CAST: variants seen among roughly 807,000 people sequenced by gnomAD.
The protein encoded by CAST is calpastatin, also known as MIR583 host.
A neutral mutation model predicts 119.6 loss-of-function variants in CAST; 76 were observed. The observed-to-expected ratio is 0.64, with a 90% CI of 0.53 to 0.77. The LOEUF is 0.77. CAST is among the 30% of genes least tolerant of loss of function. CAST has a pLI of 0.00. For synonymous variants in CAST, 319 were observed against 331.6 expected, an observed-to-expected ratio of 0.96 and a Z score of 0.41; for missense variants, 953 against 946.5, an observed-to-expected ratio of 1.01 and a Z score of -0.09.
chr5:96,717,038 A>C (rs1757315119), intron 3 of CAST, among the ~76,000 whole-genome samples: 1 of 152,208 alleles, frequency 6.6e-6, no homozygotes, highest in Non-Finnish European at 1.5e-5. Context: ...ACTGTATCTT[A>C]TTCTGTGTTT....
chr5:96,648,857 G>C (rs1481341984), intron 1 of CAST, among the ~76,000 whole-genome samples: 1 of 152,042 alleles, frequency 6.6e-6, no homozygotes, highest in Non-Finnish European at 1.5e-5. Context: ...ACTCAGTAAA[G>C]ATGGTCCATT....
At chr5:96,481,550 T>C in the CAST span, among the ~76,000 whole-genome samples, 1 of 152,190 alleles carries the variant, frequency 6.6e-6, no homozygotes, top group Non-Finnish European at 1.5e-5. Flanking sequence ...AAGCAAGCCA[T>C]GTTTCAGTCT....
At chr5:95,963,444 C>T in the CAST span, among the ~76,000 whole-genome samples, 1 of 152,198 alleles carries the variant, frequency 6.6e-6, no homozygotes, top group Non-Finnish European at 1.5e-5. Flanking sequence ...TGTAAATTGA[C>T]TTAATTTCAA....
chr5:96,547,253 A>G (rs1746036188), intron 1 of CAST, among the ~76,000 whole-genome samples: 1 of 152,202 alleles, frequency 6.6e-6, no homozygotes, highest in Admixed American at 6.5e-5. Context: ...CGCAAGCTGA[A>G]GAACCAGGAA....
chr5:95,998,816 G>T, the CAST span, among the ~76,000 whole-genome samples: 1 of 152,088 alleles, frequency 6.6e-6, no homozygotes, highest in Non-Finnish European at 1.5e-5. Context: ...AGTTCTTTGA[G>T]AACTCTCCAT....
At chr5:96,167,844 G>C in the CAST span, among the ~76,000 whole-genome samples, 5 of 152,208 alleles carry the variant, frequency 3.3e-5, no homozygotes, top group African/African-American at 1.2e-4. Flanking sequence ...TCAATTTGCC[G>C]GTCCTGGGCG....
chr5:96,602,543 G>C (rs1178349004), intron 1 of CAST, among the ~76,000 whole-genome samples: 1 of 152,220 alleles, frequency 6.6e-6, no homozygotes, highest in African/African-American at 2.4e-5. Flanking sequence ...CCTGAGGTCA[G>C]AAGTCCGAGA....
the CAST span, among the ~76,000 whole-genome samples, chr5:96,033,243 C>T: frequency 6.6e-6 from 1 of 152,020 alleles, no homozygotes; most frequent in Non-Finnish European, 1.5e-5. Context: ...AATGTCCATA[C>T]TACCCAAAGA....
At chr5:96,662,649 G>A in intron 1 of CAST, 152 bp downstream of exon 1, 1 of 519,626 alleles carries the variant, frequency 1.9e-6, no homozygotes, top group Non-Finnish European at 2.4e-6. Flanking sequence ...CTTGGCCGCT[G>A]CCAGGCAGGT....
chr5:96,321,380 C>A, the CAST span, among the ~76,000 whole-genome samples: 1 of 152,164 alleles, frequency 6.6e-6, no homozygotes, highest in South Asian at 2.1e-4. Flanking sequence ...GGTTGATAAC[C>A]ACTTTGTTAG....
At chr5:95,973,534 T>C in the CAST span, 1 of 152,180 alleles carries the variant, frequency 6.6e-6, no homozygotes, top group South Asian at 2.1e-4. Flanking sequence ...GAGATACGTG[T>C]CTGGGGTGAT....
the CAST span, among the ~76,000 whole-genome samples, chr5:96,379,829 GTA>G: frequency 6.6e-6 from 1 of 152,288 alleles, no homozygotes; most frequent in Non-Finnish European, 1.5e-5. Context: ...GATCAGAGGT[GTA>G]GCCACATTAA....
At chr5:95,996,104 A>G in the CAST span, among the ~76,000 whole-genome samples, 1 of 152,174 alleles carries the variant, frequency 6.6e-6, no homozygotes, top group Non-Finnish European at 1.5e-5. Flanking sequence ...CCCCAAAACT[A>G]GTGGCCAGTT....
At chr5:96,746,504 G>T in intron 17 of CAST, 79 bp downstream of exon 17, 1 of 858,770 alleles carries the variant, frequency 1.2e-6, no homozygotes, top group Non-Finnish European at 2.0e-6. Context: ...CCTTGACATT[G>T]TCAAAGGACA....
chr5:96,561,786 G>GT (rs1554067776), intron 1 of CAST, among the ~76,000 whole-genome samples: 47,515 of 104,962 alleles, frequency 0.45, 12,022 homozygotes, highest in East Asian at 0.7. Flanking sequence ...TTATATATAT[G>GT]TTTTTTTTTG....
At chr5:96,492,803 C>T in the CAST span, among the ~76,000 whole-genome samples, 3 of 152,272 alleles carry the variant, frequency 2.0e-5, no homozygotes, top group East Asian at 1.9e-4. Flanking sequence ...CTATGTCTGG[C>T]TAAAGAGAGG....
the CAST span, among the ~76,000 whole-genome samples, chr5:95,972,064 A>T: frequency 6.6e-6 from 1 of 150,600 alleles, no homozygotes; most frequent in Admixed American, 6.6e-5. Context: ...GCTTCAAGCC[A>T]TTCTCACATC....
In CAST at chr5:96,700,931, A is replaced by AT. The variant is rs879659605; in HGVS notation, c.210+5039dup. 2.4e-3 allele frequency among the ~76,000 whole-genome samples: 354 copies of AT among 144,944 alleles called. 2 individuals are homozygous for AT. The highest frequency in any genetic ancestry group is 7.1e-3 in the Middle Eastern group (2 of 280). On this transcript the variant is annotated intron_variant, in intron 3 of 31. Coordinates refer to ENST00000675179, the MANE Select transcript of CAST (RefSeq NM_001750.7). ...ACAGCAGAAGAATCTTGCGAAAAAA[A>AT]TTTTTTTTTTTTTTTGAGACAGGGT...
intron 12 of CAST, 55 bp from the exon 13 acceptor site, chr5:96,740,690 G>C: frequency 1.5e-6 from 2 of 1,332,776 alleles, no homozygotes; most frequent in Non-Finnish European, 2.2e-6. Flanking sequence ...ACATTTTGCC[G>C]ATCTTAAGGA....
Sources: gnomAD v4.1 joint callset for allele counts (sites outside exome capture counted in the v4.1 genomes callset) on GRCh38, gnomAD v4.1.1 for gene constraint, MANE v1.5 for transcripts, NCBI Gene and HGNC (gene_info 2026-07-23, HGNC 2026-07-21) for gene names.